The following EYS variants were observed in gnomAD, a reference collection of about 807,000 sequenced individuals.
EYS encodes the protein protein eyes shut homolog.
A neutral mutation model predicts 282.1 loss-of-function variants in EYS; 250 were observed. That is an observed-to-expected ratio of 0.89 (90% CI 0.80 to 0.98). EYS has a LOEUF of 0.98. EYS is among the 50% of genes least tolerant of loss of function. The pLI, the probability that EYS is intolerant of heterozygous loss-of-function variation, is 0.00. For synonymous variants in EYS, 1,355 were observed against 1,282.9 expected (o/e 1.06, Z -1.20); for missense variants, 4,016 against 3,709.0 (o/e 1.08, Z -2.15).
intron 12 of EYS, among the ~76,000 whole-genome samples, chr6:65,146,056 G>A (rs571154757): frequency 9.9e-5 from 15 of 151,554 alleles, no homozygotes; most frequent in African/African-American, 3.6e-4. Flanking sequence ...GTATCAATAG[G>A]AGGAAAGTTT....
At chr6:64,619,290 A>G (rs1271889927) in intron 23 of EYS, among the ~76,000 whole-genome samples, 1 of 152,226 alleles carries the variant, frequency 6.6e-6, no homozygotes, top group Non-Finnish European at 1.5e-5. Flanking sequence ...ACTGTGAAGA[A>G]CATGATAAAG....
At chr6:63,992,965 G>A (rs552489448) in intron 34 of EYS, among the ~76,000 whole-genome samples, 4 of 151,672 alleles carry the variant, frequency 2.6e-5, no homozygotes, top group Non-Finnish European at 4.4e-5. Flanking sequence ...GCGGCAGTTC[G>A]CTTGAGATCT....
At chr6:65,326,244 T>C (rs1582143962) in intron 11 of EYS, among the ~76,000 whole-genome samples, 1 of 151,938 alleles carries the variant, frequency 6.6e-6, no homozygotes, top group East Asian at 1.9e-4. Context: ...TAGAAAAGCC[T>C]CCTCATTTTA....
At chr6:65,038,199 T>C (rs1772827789) in intron 13 of EYS, among the ~76,000 whole-genome samples, 1 of 151,600 alleles carries the variant, frequency 6.6e-6, no homozygotes, top group Non-Finnish European at 1.5e-5. Context: ...TAAAAATGCA[T>C]ACAGTTTTAA....
intron 12 of EYS, among the ~76,000 whole-genome samples, chr6:65,124,900 C>T (rs1000872398): frequency 6.6e-6 from 1 of 152,160 alleles, no homozygotes; most frequent in Non-Finnish European, 1.5e-5. Context: ...AATTAAAAAG[C>T]AAATAAATAG....
At chr6:65,334,082 A>C (rs1329149727) in intron 11 of EYS, among the ~76,000 whole-genome samples, 1 of 151,546 alleles carries the variant, frequency 6.6e-6, no homozygotes, top group Non-Finnish European at 1.5e-5. Context: ...CTAAATTTTG[A>C]CTGAATTTCT....
chr6:65,066,753 C>T (rs560793818), intron 12 of EYS, among the ~76,000 whole-genome samples: 3 of 152,174 alleles, frequency 2.0e-5, no homozygotes, highest in East Asian at 1.9e-4. Context: ...TAGACATTTG[C>T]TAATCATGCA....
intron 2 of EYS, among the ~76,000 whole-genome samples, chr6:65,544,027 TGTGA>T (rs71002319): frequency 0.014 from 1,528 of 112,910 alleles, 17 homozygotes; most frequent in African/African-American, 0.043. Context: ...TGTGTGTGTG[TGTGA>T]GAGAGAGAGA....
rs375868934 is a variant in EYS, at chr6:64,986,038, T to C, written c.2259+11544A>G. ...CAAGTTTTGATTTATCATTATCATA[T>C]GGAAGAATCTATATCAGATAACTTT... On this transcript the variant is annotated intron_variant, in intron 14 of 42. Transcript: ENST00000503581. Among the ~76,000 whole-genome samples, 7 of 151,652 alleles carry C rather than the reference T, an allele frequency of 4.6e-5. No individual in the cohort carries two copies. In the South Asian group the frequency reaches 1.0e-3, roughly 22 times the overall value.
intron 1 of EYS, among the ~76,000 whole-genome samples, chr6:65,661,183 G>A (rs187126943): frequency 1.3e-5 from 2 of 151,838 alleles, no homozygotes; most frequent in African/African-American, 4.8e-5. Context: ...GAGACCTAGG[G>A]ACTATATCTC....
chr6:64,943,759 T>A (rs1032062228), intron 15 of EYS, among the ~76,000 whole-genome samples: 1 of 152,090 alleles, frequency 6.6e-6, no homozygotes, highest in Non-Finnish European at 1.5e-5. Context: ...GAAGAATCCA[T>A]ATCATTAAAA....
intron 12 of EYS, among the ~76,000 whole-genome samples, chr6:65,267,866 G>T (rs1257195261): frequency 6.6e-6 from 1 of 151,656 alleles, no homozygotes; most frequent in African/African-American, 2.4e-5. Context: ...AACCAAGATG[G>T]ATCTCTTCTT....
intron 29 of EYS, among the ~76,000 whole-genome samples, chr6:64,362,344 G>T (rs1344512948): frequency 2.0e-5 from 3 of 151,730 alleles, no homozygotes; most frequent in Admixed American, 2.0e-4. Context: ...AAACACTAGA[G>T]TATACTTTCC....
In EYS at chr6:64,751,431, G is replaced by A. The variant is rs577735970; in HGVS notation, c.3443+61947C>T. Among the ~76,000 whole-genome samples, 6 of 152,274 alleles carry A rather than the reference G, an allele frequency of 3.9e-5. No homozygotes were observed. In the South Asian group the frequency reaches 1.2e-3, roughly 32 times the overall value. On this transcript the variant is annotated intron_variant, in intron 22 of 42. Transcript: ENST00000503581. ...ACTCCACACCCGGGCACAAGTCTGG[G>A]TGTTGAATGGCTGCCCCCGGACTCC...
chr6:64,644,528 G>C (rs1300515685), intron 22 of EYS, among the ~76,000 whole-genome samples: 1 of 151,986 alleles, frequency 6.6e-6, no homozygotes, highest in African/African-American at 2.4e-5. Context: ...ATATTCTCTG[G>C]AGATATAAAC....
At chr6:64,214,025 T>C (rs1765858740) in intron 31 of EYS, among the ~76,000 whole-genome samples, 1 of 152,180 alleles carries the variant, frequency 6.6e-6, no homozygotes, top group African/African-American at 2.4e-5. Context: ...TCATACATAA[T>C]GCCTTTTTAT....
At chr6:64,055,516 T>C (rs969781765) in intron 33 of EYS, among the ~76,000 whole-genome samples, 4 of 152,114 alleles carry the variant, frequency 2.6e-5, no homozygotes, top group African/African-American at 9.7e-5. Context: ...GATTCTGCCT[T>C]TTACGTGTCC....
chr6:65,326,120 A>T (rs1858644), intron 11 of EYS, among the ~76,000 whole-genome samples: 149,640 of 152,132 alleles, frequency 0.98, 73,634 homozygotes, highest in East Asian at 1. Flanking sequence ...ACTGTAAATA[A>T]TTTTTTCCAG....
At chr6:64,368,923 C>T (rs995353094) in intron 29 of EYS, among the ~76,000 whole-genome samples, 9 of 152,050 alleles carry the variant, frequency 5.9e-5, no homozygotes, top group Admixed American at 2.6e-4. Context: ...TCCCATTTGT[C>T]AGCTTTTGTT....
Sources: gnomAD v4.1 joint callset for allele counts (sites outside exome capture counted in the v4.1 genomes callset) on GRCh38, gnomAD v4.1.1 for gene constraint, MANE v1.5 for transcripts, NCBI Gene and HGNC (gene_info 2026-07-23, HGNC 2026-07-21) for gene names.